Variants in PPL observed in about 807,000 individuals in gnomAD.
The protein encoded by PPL is periplakin.
In PPL, 198 loss-of-function variants were observed where a neutral mutation model predicts 194.4. The observed-to-expected ratio is 1.02, with a 90% confidence interval of 0.91 to 1.15. The LOEUF is 1.15. Ranked by LOEUF, PPL falls within the 50% of genes most tolerant of loss-of-function variation. The probability of loss-of-function intolerance (pLI) is 0.00; values close to 1 mark genes in which losing one functional copy is unlikely to be tolerated. For synonymous variants in PPL, 1,220 were observed against 972.4 expected (o/e 1.25, Z -4.74); for missense variants, 2,885 against 2,294.8 (o/e 1.26, Z -5.25).
intron 1 of PPL, among the ~76,000 whole-genome samples, chr16:4,932,466 G>A (rs903647600): frequency 2.0e-5 from 3 of 151,364 alleles, no homozygotes; most frequent in Admixed American, 2.0e-4. Flanking sequence ...CTGGAGTGCA[G>A]TGGTGTGATC....
intron 1 of PPL, among the ~76,000 whole-genome samples, chr16:4,912,180 G>C (rs985886863): frequency 7.9e-5 from 12 of 152,128 alleles, no homozygotes; most frequent in Admixed American, 1.3e-4. Flanking sequence ...TCACCCCAAA[G>C]CTCCACACCC....
chr16:4,882,710 A>G lies in PPL; in HGVS notation c.*674T>C, dbSNP rs1181195864. ...CACTGAAACTAAGGCTAACAGCAGC[A>G]CAATCCACTATCAAAGGATTTAAAT... On this transcript the variant is annotated 3_prime_UTR_variant, in exon 22 of 22. Transcript: ENST00000345988. The G allele has an allele frequency of 6.6e-6, 1 of 152,512 alleles. No homozygotes were observed. The highest frequency in any genetic ancestry group is 2.4e-5 in the African/African-American group (1 of 41,472). The allele number at this position is 152,512 out of a possible 1,614,324, so 9.4% of individuals were successfully genotyped here.
intron 1 of PPL, among the ~76,000 whole-genome samples, chr16:4,913,034 G>T (rs1376212054): frequency 2.0e-5 from 3 of 151,956 alleles, no homozygotes; most frequent in African/African-American, 4.8e-5. Flanking sequence ...AACCTGGGAG[G>T]TGGAGGTGGC....
Position 4,885,935 on chromosome 16 carries a change from C to G in PPL, c.2720G>C (p.Arg907Pro), listed in dbSNP as rs992171289. The G allele has an allele frequency of 6.2e-7, 1 of 1,612,896 alleles. No homozygotes were observed. The highest frequency in any genetic ancestry group is 8.5e-7 in the Non-Finnish European group (1 of 1,180,048). ...KELDEETERRRQLENEVKSTQ... is the reference protein window; with the variant it reads ...KELDEETERRPQLENEVKSTQ... ...GCTCTTGACCTCGTTCTCCAGCTGCCGCCTCCGCTCAGTCTCCTCATCCAG... is the reference window on the plus strand; with the variant it reads ...GCTCTTGACCTCGTTCTCCAGCTGCGGCCTCCGCTCAGTCTCCTCATCCAG... The change falls in exon 22 of 22, where the codon CGG becomes CCG. Residue 907 changes from arginine (R) to proline (P), a missense_variant. Arg to Pro is a moderately radical substitution (Grantham distance 103). Transcript: ENST00000345988. This position sits in a 1 kb window ranked among gnomAD's most constrained non-coding sequence, Gnocchi z 6.3.
At position 4,895,718 on chromosome 16, in the gene PPL, T is replaced by C. The variant is rs981134779; in HGVS notation, c.973-2A>G. The C allele has an allele frequency of 2.5e-6, 4 of 1,613,826 alleles. No homozygotes were observed. Among genetic ancestry groups the C allele is most frequent in the African/African-American group, 1.3e-5 (1 of 75,066 alleles). ...AGCGTCCTTCACGTCTTCGTGAAACTAGGGGAGAAGGTGGCTCTGTTACAG... is the reference window on the plus strand; with the variant it reads ...AGCGTCCTTCACGTCTTCGTGAAACCAGGGGAGAAGGTGGCTCTGTTACAG... On this transcript the variant is annotated splice_acceptor_variant, in intron 9 of 21. Coordinates refer to ENST00000345988, the MANE Select transcript of PPL (RefSeq NM_002705.5). LOFTEE classifies it high-confidence loss of function.
chr16:4,895,998 T>G (rs1335970595), intron 9 of PPL, among the ~76,000 whole-genome samples: 1 of 152,246 alleles, frequency 6.6e-6, no homozygotes, highest in Non-Finnish European at 1.5e-5. Flanking sequence ...CAGTAAGTCT[T>G]GAGGTGTCTT....
At chr16:4,930,682 C>T (rs143222795) in intron 1 of PPL, among the ~76,000 whole-genome samples, 10 of 152,234 alleles carry the variant, frequency 6.6e-5, no homozygotes, top group African/African-American at 2.2e-4. Context: ...GTGGATCTAC[C>T]CCAGCAGAGA....
intron 1 of PPL, among the ~76,000 whole-genome samples, chr16:4,915,842 A>G (rs1186680920): frequency 2.6e-5 from 4 of 152,212 alleles, no homozygotes; most frequent in African/African-American, 4.8e-5. Context: ...ACTGAGGATC[A>G]GAGAGGTTAA....
intron 1 of PPL, among the ~76,000 whole-genome samples, chr16:4,926,878 CAAAAAAAAA>C (rs71402575): frequency 3.7e-5 from 3 of 81,752 alleles, no homozygotes; most frequent in Non-Finnish European, 4.8e-5. Context: ...GACTCTGTCT[CAAAAAAAAA>C]AAAAACAAAA....
At chr16:4,918,921 C>T (rs1027554469) in intron 1 of PPL, among the ~76,000 whole-genome samples, 7 of 152,098 alleles carry the variant, frequency 4.6e-5, no homozygotes, top group Non-Finnish European at 7.4e-5. Context: ...CTTTTCATCT[C>T]GGTAATGAGC....
intron 1 of PPL, among the ~76,000 whole-genome samples, chr16:4,927,694 G>A (rs550637735): frequency 3.9e-5 from 6 of 152,298 alleles, no homozygotes; most frequent in Admixed American, 1.3e-4. Context: ...TTAATCCTGT[G>A]GAAATATATC....
rs757653380 is a variant in PPL, at chr16:4,885,976, C to T, written c.2679G>A (p.Trp893Ter). Reference sequence around the variant, plus strand: ...CCTCATCCAGTTCCTTCCTGATCTTCCACGCCTCCTCCACTCCAGAGTCCG... The same window carrying T: ...CCTCATCCAGTTCCTTCCTGATCTTTCACGCCTCCTCCACTCCAGAGTCCG... ...NRPDSGVEEA[W>*]KIRKELDEET... The change falls in exon 22 of 22, where the codon TGG becomes TGA. Residue 893 changes from tryptophan to a stop codon, truncating the protein, a stop_gained. Coordinates refer to ENST00000345988, the MANE Select transcript of PPL (RefSeq NM_002705.5). LOFTEE classifies it high-confidence loss of function. This position sits in a 1 kb window ranked among gnomAD's most constrained non-coding sequence, Gnocchi z 6.3. The T allele has an allele frequency of 6.2e-7, 1 of 1,611,058 alleles. No homozygotes were observed. Among genetic ancestry groups the T allele is most frequent in the South Asian group, 1.1e-5 (1 of 91,084 alleles).
At position 4,885,135 on chromosome 16, in the gene PPL, C is replaced by T; in HGVS notation, c.3520G>A (p.Val1174Met). 1.2e-6 allele frequency: 2 copies of T among 1,614,086 alleles called. No individual in the cohort carries two copies. The highest frequency in any genetic ancestry group is 1.7e-6 in the Non-Finnish European group (2 of 1,180,030). The stretch of plus-strand genomic sequence containing the variant: ...GGGTCTGGCCGCACGATCTCCCGCA[C>T]CTTCTCCTGCACCACCACTTTGGCG... ...ENAKVVVQEK[V>M]REIVRPDPKA... Residue 1174 changes from valine to methionine, a missense_variant, in exon 22 of 22, where the codon GTG (valine) becomes ATG (methionine). Val to Met is a conservative substitution (Grantham distance 21). Coordinates refer to ENST00000345988, the MANE Select transcript of PPL (RefSeq NM_002705.5). This position sits in a 1 kb window ranked among gnomAD's most constrained non-coding sequence, Gnocchi z 6.3.
At chr16:4,906,670 C>T (rs1462137120) in intron 2 of PPL, among the ~76,000 whole-genome samples, 1 of 152,208 alleles carries the variant, frequency 6.6e-6, no homozygotes, top group East Asian at 1.9e-4. Context: ...TCTCAAAACA[C>T]TGGCTGAGAG....
intron 2 of PPL, 22 bp downstream of exon 2, chr16:4,910,828 G>C (rs763103360): frequency 2.3e-5 from 37 of 1,599,058 alleles, no homozygotes; most frequent in Non-Finnish European, 2.8e-5. Flanking sequence ...ACCCAGGTGG[G>C]AGTGGGAGTG....
At chr16:4,891,986 T>C in intron 15 of PPL, 37 bp from the exon 16 acceptor site, 1 of 1,610,936 alleles carries the variant, frequency 6.2e-7, no homozygotes, top group Non-Finnish European at 8.5e-7. Context: ...GATGCCCACC[T>C]GGCCCCCTGA....
At chr16:4,920,260 G>A (rs1479819781) in intron 1 of PPL, among the ~76,000 whole-genome samples, 2 of 150,380 alleles carry the variant, frequency 1.3e-5, no homozygotes, top group South Asian at 2.1e-4. Flanking sequence ...CTCCAGTCTG[G>A]CAACAGAACA....
intron 12 of PPL, among the ~76,000 whole-genome samples, chr16:4,894,102 A>C (rs981069862): frequency 6.6e-6 from 1 of 152,180 alleles, no homozygotes; most frequent in Non-Finnish European, 1.5e-5. Flanking sequence ...CGGTGCGTGC[A>C]GTGGAAGAAG....
At chr16:4,887,338 A>G (rs2660238) in intron 20 of PPL, 111 bp from the exon 21 acceptor site, 698,535 of 782,408 alleles carry the variant, frequency 0.89, 317,556 homozygotes, top group East Asian at 0.97. Context: ...ATTTGGGGGT[A>G]GAGGCATAGC....
Sources: gnomAD v4.1 joint callset for allele counts (sites outside exome capture counted in the v4.1 genomes callset) on GRCh38, gnomAD v4.1.1 for gene constraint, Gnocchi (gnomAD v3.1) non-coding constraint, MANE v1.5 for transcripts, NCBI Gene and HGNC (gene_info 2026-07-23, HGNC 2026-07-21) for gene names.